The following LRCH1 variants were observed in gnomAD, a reference collection of about 807,000 sequenced individuals.
The protein encoded by LRCH1 is leucine-rich repeat and calponin homology domain-containing protein 1.
LRCH1 carries 23 observed loss-of-function variants against 94.9 expected under a neutral mutation model. That is an observed-to-expected ratio of 0.24 (90% confidence interval 0.17 to 0.34). The LOEUF (loss-of-function observed/expected upper bound fraction) is 0.34. LRCH1 is among the 10% of genes least tolerant of loss of function. The probability of loss-of-function intolerance (pLI) is 1.00; values close to 1 mark genes in which losing one functional copy is unlikely to be tolerated. For synonymous variants in LRCH1, 364 were observed against 354.9 expected (o/e 1.03, Z -0.29); for missense variants, 790 against 945.9 (o/e 0.84, Z 2.16).
In LRCH1 at chr13:46,695,008, G is replaced by A. The variant is rs1279763769; in HGVS notation, c.1236G>A (p.Met412Ile). Residue 412 changes from methionine to isoleucine, a missense_variant, in exon 9 of 20, where the codon ATG becomes ATA. By Grantham distance (10) the Met-to-Ile change is conservative (BLOSUM62 1). Coordinates refer to ENST00000389797, the MANE Select transcript of LRCH1 (RefSeq NM_001164211.2). ...CAGATGGTCTCCATTCGGAATTTAT[G>A]AACTATAAGGCAAGATTTTCAGGAT... ...DRADGLHSEF[M>I]NYKARAEDCE... 2 of 1,613,752 alleles carry A rather than the reference G, an allele frequency of 1.2e-6. No homozygotes were observed. Among genetic ancestry groups the A allele is most frequent in the Admixed American group, 1.7e-5 (1 of 59,896 alleles).
At chr13:46,748,333 T>C (rs1444333824), downstream of LRCH1, among the ~76,000 whole-genome samples, 1 of 152,074 alleles carries the variant, frequency 6.6e-6, no homozygotes, top group African/African-American at 2.4e-5. Context: ...TTTTAACATA[T>C]GGTATGAAGT....
At chr13:46,566,421 C>T (rs1477172165) in intron 1 of LRCH1, among the ~76,000 whole-genome samples, 3 of 152,150 alleles carry the variant, frequency 2.0e-5, no homozygotes, top group South Asian at 2.1e-4. Context: ...CCTGAGGCTA[C>T]TGATATGGTA....
At chr13:46,696,722 G>A (rs1299610301) in intron 9 of LRCH1, among the ~76,000 whole-genome samples, 1 of 152,166 alleles carries the variant, frequency 6.6e-6, no homozygotes, top group South Asian at 2.1e-4. Flanking sequence ...AGGAAAAATT[G>A]TGCTTGAAAA....
intron 1 of LRCH1, among the ~76,000 whole-genome samples, chr13:46,604,137 T>A (rs1383656292): frequency 6.6e-6 from 1 of 152,244 alleles, no homozygotes; most frequent in African/African-American, 2.4e-5. Context: ...GAATTTCATA[T>A]AAATAACTAC....
chr13:46,689,834 T>C (rs1870808848), intron 7 of LRCH1, among the ~76,000 whole-genome samples: 2 of 152,154 alleles, frequency 1.3e-5, no homozygotes, highest in Admixed American at 1.3e-4. Flanking sequence ...TGATTTATTA[T>C]CTCACATGTA....
chr13:46,557,047 G>A (rs1173951776), intron 1 of LRCH1, among the ~76,000 whole-genome samples: 1 of 152,168 alleles, frequency 6.6e-6, no homozygotes, highest in Non-Finnish European at 1.5e-5. Flanking sequence ...AGATTGCTTT[G>A]TATTGACTTC....
At chr13:46,614,260 C>G (rs2050780634) in intron 1 of LRCH1, among the ~76,000 whole-genome samples, 1 of 152,104 alleles carries the variant, frequency 6.6e-6, no homozygotes, top group African/African-American at 2.4e-5. Flanking sequence ...CTATATCTCC[C>G]CATTTTCCCT....
intron 3 of LRCH1, among the ~76,000 whole-genome samples, chr13:46,676,131 T>G (rs1244879291): frequency 6.6e-6 from 1 of 152,038 alleles, no homozygotes; most frequent in African/African-American, 2.4e-5. Context: ...CATGGTGGCA[T>G]GCACCTGTAA....
At chr13:46,554,065 C>A (rs1253391924) in intron 1 of LRCH1, among the ~76,000 whole-genome samples, 1 of 152,228 alleles carries the variant, frequency 6.6e-6, no homozygotes, top group South Asian at 2.1e-4. Flanking sequence ...AGGTTTCAGG[C>A]GGCTGTGTCG....
chr13:46,565,415 T>A (rs912424954), intron 1 of LRCH1, among the ~76,000 whole-genome samples: 1 of 152,182 alleles, frequency 6.6e-6, no homozygotes, highest in Non-Finnish European at 1.5e-5. Context: ...GAAATGACTT[T>A]CCTTCGGTTA....
intron 9 of LRCH1, 43 bp from the exon 10 acceptor site, chr13:46,699,293 A>G: frequency 6.5e-7 from 1 of 1,529,048 alleles, no homozygotes; most frequent in Non-Finnish European, 9.1e-7. Context: ...CTGACTACTG[A>G]GTAGCCAATG....
chr13:46,596,873 A>G (rs917799923), intron 1 of LRCH1, among the ~76,000 whole-genome samples: 1 of 152,212 alleles, frequency 6.6e-6, no homozygotes, highest in African/African-American at 2.4e-5. Context: ...TCACCACCCC[A>G]GGAAGATAGT....
chr13:46,704,586 G>A (rs924202652), intron 11 of LRCH1, among the ~76,000 whole-genome samples: 5 of 151,908 alleles, frequency 3.3e-5, no homozygotes, highest in African/African-American at 1.2e-4. Context: ...TCTTAAAATA[G>A]CAGAAATTTA....
chr13:46,565,439 C>A (rs970655835), intron 1 of LRCH1, among the ~76,000 whole-genome samples: 1 of 152,126 alleles, frequency 6.6e-6, no homozygotes, highest in African/African-American at 2.4e-5. Flanking sequence ...TGCTAGTCAG[C>A]AGTTGAGACA....
At chr13:46,641,770 A>G (rs922327253) in intron 1 of LRCH1, among the ~76,000 whole-genome samples, 9 of 152,174 alleles carry the variant, frequency 5.9e-5, no homozygotes, top group African/African-American at 1.9e-4. Context: ...TACAAAAACA[A>G]CACCGTGCTT....
intron 3 of LRCH1, among the ~76,000 whole-genome samples, chr13:46,681,433 C>T (rs1392920535): frequency 6.6e-6 from 1 of 152,118 alleles, no homozygotes; most frequent in East Asian, 1.9e-4. Context: ...GCAATATTGC[C>T]CAATGGGTTT....
At chr13:46,578,492 CTT>C (rs1366111410) in intron 1 of LRCH1, among the ~76,000 whole-genome samples, 1 of 152,158 alleles carries the variant, frequency 6.6e-6, no homozygotes, top group Non-Finnish European at 1.5e-5. Context: ...GACAGTAAGT[CTT>C]TGTCTGTCTG....
At position 46,638,724 on chromosome 13, in the gene LRCH1, T is replaced by G. The variant is rs573520864; in HGVS notation, c.308-11477T>G. Among the ~76,000 whole-genome samples, 3 of 152,360 alleles carry G rather than the reference T, an allele frequency of 2.0e-5. No homozygotes were observed. In the South Asian group the frequency reaches 6.2e-4, roughly 32 times the overall value. ...TAACTGAAGATCTTACATGGCCTCA[T>G]GCCTAAGATTATTTACTACACATTG... is the stretch of plus-strand genomic sequence containing the variant. On this transcript the variant is annotated intron_variant, in intron 1 of 19. Transcript: ENST00000389797.
intron 18 of LRCH1, among the ~76,000 whole-genome samples, chr13:46,731,198 A>T (rs1282504039): frequency 1.5e-5 from 2 of 131,334 alleles, no homozygotes; most frequent in African/African-American, 3.0e-5. Context: ...GTAATTTTTT[A>T]AATGTATTAT....
Sources: allele counts gnomAD v4.1 joint callset (sites outside exome capture counted in the v4.1 genomes callset), GRCh38; gene constraint gnomAD v4.1.1; transcripts MANE v1.5; gene names NCBI Gene and HGNC (gene_info 2026-07-23, HGNC 2026-07-21).